The following LYZL1 variants were observed in gnomAD, a reference collection of about 807,000 sequenced individuals.
LYZL1 encodes lysozyme like 1.
Under a neutral mutation model 17.9 loss-of-function variants are expected in LYZL1, and 16 were observed. That is an observed-to-expected ratio of 0.90 (90% CI 0.61 to 1.36). The LOEUF (loss-of-function observed/expected upper bound fraction) is 1.36. Among genes scored for constraint, LYZL1 ranks in the 40% most tolerant of loss-of-function variants. The probability of loss-of-function intolerance (pLI) is 0.00; values close to 1 mark genes in which losing one functional copy is unlikely to be tolerated. For missense variants in LYZL1, 149 were observed against 188.4 expected (o/e 0.79, Z 1.22); for synonymous variants, 58 against 71.8 (o/e 0.81, Z 0.97).
rs1348692675 is a variant in LYZL1 at position 29,289,767 on chromosome 10, C to T, written c.-26+537C>T. 5.3e-5 allele frequency among the ~76,000 whole-genome samples: 8 copies of T among 152,270 alleles called. No homozygotes were observed. In the South Asian group the frequency reaches 1.2e-3, roughly 24 times the overall value. On this transcript the variant is annotated intron_variant, in intron 1 of 4. Coordinates refer to ENST00000649382, the MANE Select transcript of LYZL1 (RefSeq NM_032517.6). ...TTTGTCTGTCCCTCACAGCTTAACA[C>T]AGTGCTGTACACAGCGGACTGGCAT...
intron 1 of LYZL1, among the ~76,000 whole-genome samples, chr10:29,290,377 G>T (rs1360233188): frequency 6.6e-6 from 1 of 152,100 alleles, no homozygotes; most frequent in Admixed American, 6.5e-5. Flanking sequence ...AGATGATTCC[G>T]CAGGGGTCTC....
Position 29,307,426 on chromosome 10 carries a change from T to C in LYZL1, c.299-2684T>C, listed in dbSNP as rs542254431. On this transcript the variant is annotated intron_variant, in intron 3 of 4. Coordinates refer to ENST00000649382, the MANE Select transcript of LYZL1 (RefSeq NM_032517.6). ...ATCTCCTTCAGTTCATTCATGCTGC[T>C]GCCAATGTCAGCATTTCCTTCTTTT... Among the ~76,000 whole-genome samples, 4 of 152,382 alleles carry C rather than the reference T, an allele frequency of 2.6e-5. No individual in the cohort carries two copies. In the East Asian group the frequency reaches 7.7e-4, roughly 29 times the overall value.
chr10:29,313,992 A>T (rs1035757908), downstream of LYZL1, among the ~76,000 whole-genome samples: 1 of 152,132 alleles, frequency 6.6e-6, no homozygotes, highest in African/African-American at 2.4e-5. Context: ...TTGAATCCCA[A>T]CTTGTTCCCT....
rs567566975 is a variant in LYZL1 at position 29,294,579 on chromosome 10, T to A, written c.298+1902T>A. On this transcript the variant is annotated intron_variant, in intron 3 of 4. Coordinates refer to ENST00000649382, the MANE Select transcript of LYZL1 (RefSeq NM_032517.6). ...TTCATTCACTGATGTATCCTCAATG[T>A]CTAGAATGGTGCCTGGCCATTGCAG... is the stretch of plus-strand genomic sequence containing the variant. Among the ~76,000 whole-genome samples, 43 of 152,344 alleles carry A rather than the reference T, an allele frequency of 2.8e-4. 1 individual carries two copies. Among genetic ancestry groups the A allele is most frequent in the African/African-American group, 9.9e-4 (41 of 41,588 alleles).
rs746748983 is a variant in LYZL1 at position 29,291,826 on chromosome 10, C to A, written c.-25-17C>A. 2.6e-6 allele frequency: 4 copies of A among 1,548,386 alleles called. No homozygotes were observed. In the South Asian group the frequency reaches 4.7e-5, roughly 18 times the overall value. ...CTGAACCAAGATCGTCTGACCTGTT[C>A]TCCGGCTCTTTGGCAGGTTCTGTCT... is the stretch of plus-strand genomic sequence containing the variant. On this transcript the variant is annotated splice_polypyrimidine_tract_variant and intron_variant, in intron 1 of 4. Transcript: ENST00000649382.
downstream of LYZL1, among the ~76,000 whole-genome samples, chr10:29,314,857 T>C (rs1751952): frequency 0.99 from 150,975 of 152,306 alleles, 74,840 homozygotes; most frequent in Middle Eastern, 1. Flanking sequence ...CACAGCGCAA[T>C]GGCAGAGAAT....
intron 3 of LYZL1, among the ~76,000 whole-genome samples, chr10:29,294,066 G>A (rs1202951017): frequency 6.6e-6 from 1 of 152,118 alleles, no homozygotes; most frequent in Admixed American, 6.5e-5. Context: ...GAAGATTTGG[G>A]TAGAGATAGA....
chr10:29,295,074 A>G (rs1835430106), intron 3 of LYZL1, among the ~76,000 whole-genome samples: 1 of 152,244 alleles, frequency 6.6e-6, no homozygotes, highest in African/African-American at 2.4e-5. Context: ...GATAATCAGT[A>G]TATGGGTTTG....
chr10:29,293,279 G>A (rs758279420), intron 3 of LYZL1, among the ~76,000 whole-genome samples: 10 of 151,504 alleles, frequency 6.6e-5, no homozygotes, highest in South Asian at 4.2e-4. Context: ...GCACACGCCC[G>A]GCTATTTTGT....
At chr10:29,295,356 C>A (rs1191193409) in intron 3 of LYZL1, among the ~76,000 whole-genome samples, 1 of 152,230 alleles carries the variant, frequency 6.6e-6, no homozygotes, top group Non-Finnish European at 1.5e-5. Context: ...AAGTACCTCT[C>A]ATCTCTGGTT....
At chr10:29,296,516 A>C (rs1267316680) in intron 3 of LYZL1, among the ~76,000 whole-genome samples, 2 of 152,166 alleles carry the variant, frequency 1.3e-5, no homozygotes, top group African/African-American at 4.8e-5. Flanking sequence ...CCCCTCACTC[A>C]CCCTGGCAGA....
intron 3 of LYZL1, among the ~76,000 whole-genome samples, chr10:29,303,068 G>T (rs117478844): frequency 6.6e-6 from 1 of 152,110 alleles, no homozygotes; most frequent in East Asian, 1.9e-4. Context: ...TTCCAGCCCC[G>T]CGAGGTCTGT....
chr10:29,308,035 C>T (rs967082486), intron 3 of LYZL1, among the ~76,000 whole-genome samples: 1 of 152,144 alleles, frequency 6.6e-6, no homozygotes, highest in Non-Finnish European at 1.5e-5. Context: ...CAAAACAAAA[C>T]AAAACAAAAC....
chr10:29,298,660 C>G (rs2132822049), intron 3 of LYZL1, among the ~76,000 whole-genome samples: 1 of 152,252 alleles, frequency 6.6e-6, no homozygotes, highest in South Asian at 2.1e-4. Context: ...GTTCAGGAAA[C>G]AAGGGACTCG....
In LYZL1 at chr10:29,299,855, G is replaced by T. The variant is rs1276487886; in HGVS notation, c.298+7178G>T. On this transcript the variant is annotated intron_variant, in intron 3 of 4. Coordinates refer to ENST00000649382, the MANE Select transcript of LYZL1 (RefSeq NM_032517.6). ...TTTCTTATAGATAGCATATAGTTAT[G>T]TGTTGCTTTTATATCCATTCTGGTA... is the stretch of plus-strand genomic sequence containing the variant. Among the ~76,000 whole-genome samples, 5 of 152,168 alleles carry T rather than the reference G, an allele frequency of 3.3e-5. No individual in the cohort carries two copies. In the East Asian group the frequency reaches 9.6e-4, roughly 29 times the overall value.
intron 3 of LYZL1, among the ~76,000 whole-genome samples, chr10:29,305,479 C>T (rs759347160): frequency 1.1e-4 from 16 of 152,088 alleles, no homozygotes. Flanking sequence ...ATGGTACCCA[C>T]AGAAATGGTT....
chr10:29,303,693 C>T (rs1173947643), intron 3 of LYZL1, among the ~76,000 whole-genome samples: 1 of 152,060 alleles, frequency 6.6e-6, no homozygotes, highest in Non-Finnish European at 1.5e-5. Flanking sequence ...TGGGGGATAG[C>T]CTTAAAATAG....
intron 3 of LYZL1, among the ~76,000 whole-genome samples, chr10:29,304,239 A>C (rs1835560335): frequency 6.6e-6 from 1 of 152,270 alleles, no homozygotes; most frequent in Non-Finnish European, 1.5e-5. Context: ...CACAGTGTAC[A>C]AAATGCCTGA....
downstream of LYZL1, among the ~76,000 whole-genome samples, chr10:29,315,404 C>T (rs1454615415): frequency 1.3e-5 from 2 of 151,966 alleles, no homozygotes; most frequent in African/African-American, 4.8e-5. Context: ...CCTAGCTACT[C>T]TGGAGGCTGA....
Sources: allele counts gnomAD v4.1 joint callset (sites outside exome capture counted in the v4.1 genomes callset), GRCh38; gene constraint gnomAD v4.1.1; transcripts MANE v1.5; gene names NCBI Gene and HGNC (gene_info 2026-07-23, HGNC 2026-07-21).